The following SCN7A variants were observed in gnomAD, a reference collection of about 807,000 sequenced individuals.
SCN7A encodes sodium voltage-gated channel alpha subunit 7, also known as sodium channel protein type 7 subunit alpha.
A neutral mutation model predicts 155.2 loss-of-function variants in SCN7A; 138 were observed. The ratio of observed to expected loss-of-function variants is 0.89; its 90% CI spans 0.77 to 1.02. SCN7A has a LOEUF of 1.02. Ranked by LOEUF, SCN7A falls within the 50% of genes least tolerant of loss-of-function variation. SCN7A has a pLI of 0.00. For synonymous variants in SCN7A, 693 were observed against 649.0 expected, an observed-to-expected ratio of 1.07 and a Z score of -1.03; for missense variants, 2,058 against 1,986.6, an observed-to-expected ratio of 1.04 and a Z score of -0.68.
chr2:166,445,769 C>T (rs1434784748), intron 12 of SCN7A, among the ~76,000 whole-genome samples: 1 of 151,882 alleles, frequency 6.6e-6, no homozygotes, highest in Non-Finnish European at 1.5e-5. Context: ...CAAAAACAAG[C>T]GATGGGGAAA....
chr2:166,457,608 A>T (rs1031137656), intron 10 of SCN7A, among the ~76,000 whole-genome samples: 28 of 152,206 alleles, frequency 1.8e-4, no homozygotes, highest in Non-Finnish European at 4.0e-4. Context: ...TGCTTTGGTG[A>T]AGAACCTTTA....
At chr2:166,440,599 A>G (rs1277617135) in intron 15 of SCN7A, 5 of 152,126 alleles carry the variant, frequency 3.3e-5, no homozygotes, top group African/African-American at 9.7e-5. Flanking sequence ...TTACTAATAC[A>G]TTTTATTTAA....
intron 3 of SCN7A, among the ~76,000 whole-genome samples, chr2:166,475,137 T>TATATATATATACGTATATATATATATAC (rs1553520569): frequency 1.5e-5 from 2 of 133,868 alleles, no homozygotes; most frequent in African/African-American, 5.4e-5. Context: ...TATATATATA[T>TATATATATATACGTATATATATATATAC]ACACACACAC....
intron 10 of SCN7A, among the ~76,000 whole-genome samples, chr2:166,461,238 T>A (rs1702401766): frequency 6.6e-6 from 1 of 152,042 alleles, no homozygotes; most frequent in Non-Finnish European, 1.5e-5. Context: ...TCAACCAAAA[T>A]AAGCATGGAC....
intron 25 of SCN7A, among the ~76,000 whole-genome samples, chr2:166,406,916 T>C (rs1701089146): frequency 6.6e-6 from 1 of 152,018 alleles, no homozygotes; most frequent in Non-Finnish European, 1.5e-5. Context: ...GATCAAGTAG[T>C]TCTGGAATTA....
chr2:166,441,959 C>T (rs1023270449), intron 14 of SCN7A, among the ~76,000 whole-genome samples: 1 of 152,156 alleles, frequency 6.6e-6, no homozygotes, highest in South Asian at 2.1e-4. Context: ...TACATATCCT[C>T]TTCTACTGAT....
At chr2:166,416,444 G>T (rs1050537571) in intron 21 of SCN7A, among the ~76,000 whole-genome samples, 6 of 152,066 alleles carry the variant, frequency 3.9e-5, no homozygotes, top group African/African-American at 1.4e-4. Context: ...TGTCACCCCC[G>T]GCGGCCCAGC....
chr2:166,427,509 A>G (rs1701648779), intron 18 of SCN7A, among the ~76,000 whole-genome samples: 1 of 152,082 alleles, frequency 6.6e-6, no homozygotes, highest in African/African-American at 2.4e-5. Flanking sequence ...GTATCTATTC[A>G]CATTCCATTT....
chr2:166,467,689 G>A (rs1702567291), intron 7 of SCN7A, among the ~76,000 whole-genome samples: 1 of 151,290 alleles, frequency 6.6e-6, no homozygotes, highest in Admixed American at 6.6e-5. Context: ...AAAGTTCCGG[G>A]TCTTACACCA....
At position 166,410,271 on chromosome 2, in the gene SCN7A, C is replaced by A. The variant is rs1185661055; in HGVS notation, c.3660G>T (p.Arg1220Ser). Residue 1220 changes from arginine to serine, a missense_variant, in exon 24 of 26, where the codon AGG becomes AGT. Arg to Ser is a moderately radical substitution (Grantham distance 110, BLOSUM62 -1). Coordinates refer to ENST00000643258, the MANE Select transcript of SCN7A (RefSeq NM_002976.4). Reference protein sequence around the residue: ...ITVKQRKQYRRLKKLMYEDSQ... With the variant: ...ITVKQRKQYRSLKKLMYEDSQ... ...AATCCTCATACATTAGCTTCTTCAG[C>A]CTGCGGTACTGTTTTCTCTGTTTAA... 7.1e-6 allele frequency: 11 copies of A among 1,556,480 alleles called. No individual in the cohort carries two copies. The highest frequency in any genetic ancestry group is 3.9e-5 in the Admixed American group (2 of 51,874).
Position 166,405,823 on chromosome 2 carries a change from C to T in SCN7A, c.4806G>A (p.Gly1602=). The T allele has an allele frequency of 6.2e-7, 1 of 1,613,094 alleles. No homozygotes were observed. Among genetic ancestry groups the T allele is most frequent in the South Asian group, 1.1e-5 (1 of 91,060 alleles). ...TCTTAAAAGGGTTGGCTAACAAAAA[C>T]CCTGATTCTATTTCTGAAACAACTT... The part of the protein sequence containing the change: ...MEKVVSEIES[G]FLLANPFKIT... The change falls in exon 26 of 26, where the codon GGG becomes GGA. Residue 1602 remains glycine, a synonymous_variant. Coordinates refer to ENST00000643258, the MANE Select transcript of SCN7A (RefSeq NM_002976.4).
In SCN7A at chr2:166,405,457, C is replaced by G. The variant is rs900221474; in HGVS notation, c.*123G>C. Reference sequence around the variant, plus strand: ...AATTTGGCATGAAGTCTTGTGAATACAAGCTTAATTACCATCGGTTGTAAA... The same window carrying G: ...AATTTGGCATGAAGTCTTGTGAATAGAAGCTTAATTACCATCGGTTGTAAA... On this transcript the variant is annotated 3_prime_UTR_variant, in exon 26 of 26. Transcript: ENST00000643258. 2 of 728,916 alleles carry G rather than the reference C, an allele frequency of 2.7e-6. No homozygotes were observed. 45.2% of individuals were successfully genotyped at this position (728,916 alleles called of 1,614,324 possible).
At chr2:166,431,622 T>G (rs543963876) in intron 16 of SCN7A, among the ~76,000 whole-genome samples, 1 of 152,174 alleles carries the variant, frequency 6.6e-6, no homozygotes, top group African/African-American at 2.4e-5. Flanking sequence ...ACAATAAGAC[T>G]GTTTCCAGTA....
intron 20 of SCN7A, among the ~76,000 whole-genome samples, chr2:166,419,124 T>C (rs1701453500): frequency 6.6e-6 from 1 of 152,194 alleles, no homozygotes; most frequent in Non-Finnish European, 1.5e-5. Context: ...GACAACTTGC[T>C]GATTTTGTTA....
chr2:166,436,192 C>G (rs1023868506), intron 15 of SCN7A, among the ~76,000 whole-genome samples: 2 of 152,112 alleles, frequency 1.3e-5, no homozygotes, highest in Non-Finnish European at 2.9e-5. Flanking sequence ...CCATCCAAAT[C>G]TCATCTTGAA....
intron 9 of SCN7A, among the ~76,000 whole-genome samples, chr2:166,464,229 T>A (rs888190992): frequency 2.0e-5 from 3 of 151,764 alleles, no homozygotes; most frequent in African/African-American, 7.3e-5. Context: ...CATACATATA[T>A]GTGTGCTGAG....
chr2:166,440,032 CT>C (rs1156812499), intron 15 of SCN7A, among the ~76,000 whole-genome samples: 1 of 152,068 alleles, frequency 6.6e-6, no homozygotes, highest in East Asian at 1.9e-4. Flanking sequence ...TAAGCCATAC[CT>C]TTTCCATAGA....
At chr2:166,421,052 A>C (rs1181317898) in intron 20 of SCN7A, 138 bp downstream of exon 20, 3 of 534,924 alleles carry the variant, frequency 5.6e-6, no homozygotes, top group Non-Finnish European at 9.8e-6. Context: ...CTCTATTTCT[A>C]AGCAATGAAA....
chr2:166,470,555 G>A (rs1702630124), intron 7 of SCN7A, 60 bp downstream of exon 7: 7 of 1,407,516 alleles, frequency 5.0e-6, no homozygotes, highest in Non-Finnish European at 5.8e-6. Context: ...GGAAGTTCAA[G>A]TGAATACATG....
Sources: gnomAD v4.1 joint callset for allele counts (sites outside exome capture counted in the v4.1 genomes callset) on GRCh38, gnomAD v4.1.1 for gene constraint, MANE v1.5 for transcripts, NCBI Gene and HGNC (gene_info 2026-07-23, HGNC 2026-07-21) for gene names.